PRKN: variants seen among roughly 807,000 people sequenced by gnomAD.
PRKN encodes E3 ubiquitin-protein ligase parkin.
Under a neutral mutation model 59.5 loss-of-function variants are expected in PRKN, and 56 were observed. The observed-to-expected ratio is 0.94, with a 90% CI of 0.76 to 1.18. The LOEUF is 1.18. Among genes scored for constraint, PRKN ranks in the 50% most tolerant of loss-of-function variants. PRKN has a pLI of 0.00. For synonymous variants in PRKN, 250 were observed against 222.1 expected (o/e 1.13, Z -1.12); for missense variants, 657 against 596.4 (o/e 1.10, Z -1.06).
At position 161,926,104 on chromosome 6, in the gene PRKN, T is replaced by G. The variant is rs79750448; in HGVS notation, c.734+47198A>C. ...AGGAACTTTTCAAAACGAACTGTTC[T>G]GTTTGAAAGTTACGGAGAGTCTACC... On this transcript the variant is annotated intron_variant, in intron 6 of 11. Coordinates refer to ENST00000366898, the MANE Select transcript of PRKN (RefSeq NM_004562.3). Among the ~76,000 whole-genome samples the G allele has an allele frequency of 7.5e-3, 1,141 of 152,282 alleles. 19 individuals carry two copies. The highest frequency in any genetic ancestry group is 0.026 in the African/African-American group (1,093 of 41,550).
At chr6:162,669,345 T>A (rs1179597260) in intron 1 of PRKN, among the ~76,000 whole-genome samples, 1 of 152,186 alleles carries the variant, frequency 6.6e-6, no homozygotes, top group Non-Finnish European at 1.5e-5. Context: ...AAGTGTTGTA[T>A]CTTCTTGAGT....
Position 161,655,893 on chromosome 6 carries a change from C to T in PRKN, c.872-86477G>A, listed in dbSNP as rs572611301. ...ACACACACACACACACATACACACA[C>T]ACACACACACACACACACACACACG... On this transcript the variant is annotated intron_variant, in intron 7 of 11. Coordinates refer to ENST00000366898, the MANE Select transcript of PRKN (RefSeq NM_004562.3). Among the ~76,000 whole-genome samples, 332 of 65,716 alleles carry T rather than the reference C, an allele frequency of 5.1e-3. 1 individual carries two copies. Among genetic ancestry groups the T allele is most frequent in the African/African-American group, 0.018 (303 of 16,816 alleles). The allele number at this position is 65,716 out of a possible 152,430, so 43.1% of individuals were successfully genotyped here. A position where few individuals can be genotyped will look rare whatever the true frequency, so the allele number is the denominator to read the frequency against.
chr6:161,460,684 C>T lies in PRKN; in HGVS notation c.1084-73807G>A, dbSNP rs967747694. On this transcript the variant is annotated intron_variant, in intron 9 of 11. Transcript: ENST00000366898. The surrounding 1 kb of genome is among the most constrained non-coding windows in gnomAD (Gnocchi z 5.0). Reference sequence around the variant, plus strand: ...CCAGGGATGTCCACAGCTGTGGCTTCTCCCAGGTATTTATAGTTCATTTAC... The same window carrying T: ...CCAGGGATGTCCACAGCTGTGGCTTTTCCCAGGTATTTATAGTTCATTTAC... 9.2e-5 allele frequency among the ~76,000 whole-genome samples: 14 copies of T among 152,072 alleles called. No individual in the cohort carries two copies. The highest frequency in any genetic ancestry group is 3.4e-4 in the African/African-American group (14 of 41,412).
At chr6:161,974,191 G>A (rs1026072110) in intron 5 of PRKN, among the ~76,000 whole-genome samples, 2 of 151,778 alleles carry the variant, frequency 1.3e-5, no homozygotes, top group Non-Finnish European at 2.9e-5. Flanking sequence ...GCTTGAGCCC[G>A]GCTGAGGCAG....
intron 1 of PRKN, among the ~76,000 whole-genome samples, chr6:162,572,514 G>A (rs1780379312): frequency 6.6e-6 from 1 of 152,156 alleles, no homozygotes; most frequent in Non-Finnish European, 1.5e-5. Context: ...CTATCCTGAT[G>A]GGCCAGGTGT....
intron 1 of PRKN, among the ~76,000 whole-genome samples, chr6:162,660,699 C>T (rs376125614): frequency 1.6e-3 from 242 of 152,188 alleles, no homozygotes; most frequent in Non-Finnish European, 2.2e-3. Flanking sequence ...CCTCAAGATT[C>T]GGTACCTAAG....
At position 161,459,037 on chromosome 6, in the gene PRKN, T is replaced by C. The variant is rs561233815; in HGVS notation, c.1084-72160A>G. Among the ~76,000 whole-genome samples the C allele has an allele frequency of 6.6e-6, 1 of 152,322 alleles. No homozygotes were observed. The highest frequency in any genetic ancestry group is 6.5e-5 in the Admixed American group (1 of 15,304). ...TCCAGGAGGGATTTTAAGGCAAGGC[T>C]GAGCTTTCTAAAGCTACAAGCACTT... On this transcript the variant is annotated intron_variant, in intron 9 of 11. Transcript: ENST00000366898. This position sits in a 1 kb window ranked among gnomAD's most constrained non-coding sequence, Gnocchi z 4.8.
In PRKN at chr6:161,446,443, C is replaced by T. The variant is rs189996849; in HGVS notation, c.1084-59566G>A. On this transcript the variant is annotated intron_variant, in intron 9 of 11. Coordinates refer to ENST00000366898, the MANE Select transcript of PRKN (RefSeq NM_004562.3). The surrounding 1 kb of genome is among the most constrained non-coding windows in gnomAD (Gnocchi z 6.2). Reference sequence around the variant, plus strand: ...CAGCTGTGGGAGGGGAAAGGCCCTCCCCGCTACCAGATGCAGACTCTGGTG... The same window carrying T: ...CAGCTGTGGGAGGGGAAAGGCCCTCTCCGCTACCAGATGCAGACTCTGGTG... 6.6e-6 allele frequency among the ~76,000 whole-genome samples: 1 copy of T among 152,202 alleles called. No individual in the cohort carries two copies. The highest frequency in any genetic ancestry group is 6.5e-5 in the Admixed American group (1 of 15,288).
intron 9 of PRKN, among the ~76,000 whole-genome samples, chr6:161,532,178 A>C (rs112306506): frequency 0.092 from 12,981 of 141,352 alleles, 714 homozygotes; most frequent in Non-Finnish European, 0.13. Context: ...ATATATATAT[A>C]TATATATATA....
At chr6:162,108,535 C>G (rs9355384) in intron 4 of PRKN, among the ~76,000 whole-genome samples, 90,578 of 152,030 alleles carry the variant, frequency 0.6, 27,535 homozygotes, top group East Asian at 0.73. Flanking sequence ...AGCAGGAACT[C>G]AAATCGCAGA....
intron 6 of PRKN, among the ~76,000 whole-genome samples, chr6:161,834,421 G>A (rs1015804530): frequency 6.6e-6 from 1 of 152,060 alleles, no homozygotes; most frequent in Non-Finnish European, 1.5e-5. Context: ...CACAGCCCTG[G>A]TCTCCACAGT....
At chr6:162,248,556 A>C (rs1779295168) in intron 3 of PRKN, among the ~76,000 whole-genome samples, 1 of 152,104 alleles carries the variant, frequency 6.6e-6, no homozygotes, top group Admixed American at 6.6e-5. Flanking sequence ...TGAACTACTG[A>C]TACTTCAAAG....
At chr6:161,803,489 G>A (rs1428983509) in intron 6 of PRKN, among the ~76,000 whole-genome samples, 1 of 152,200 alleles carries the variant, frequency 6.6e-6, no homozygotes, top group African/African-American at 2.4e-5. Flanking sequence ...GAGAAGAACT[G>A]TCCTTGGGTA....
chr6:162,254,455 C>CAA (rs148927604), intron 3 of PRKN, among the ~76,000 whole-genome samples: 24 of 94,228 alleles, frequency 2.5e-4, no homozygotes, highest in Middle Eastern at 5.2e-3. Context: ...GACTCCATCT[C>CAA]AAAAAAAAAA....
intron 7 of PRKN, among the ~76,000 whole-genome samples, chr6:161,571,492 G>A (rs1051583315): frequency 1.3e-5 from 2 of 152,194 alleles, no homozygotes; most frequent in Admixed American, 1.3e-4. Context: ...TATTCACACA[G>A]GTGAAGGTGC....
chr6:161,433,499 G>T (rs918007684), intron 9 of PRKN, among the ~76,000 whole-genome samples: 80 of 152,112 alleles, frequency 5.3e-4, no homozygotes, highest in African/African-American at 1.6e-3. Context: ...TTTCATTACA[G>T]AAATATATAC....
chr6:162,024,924 CT>C (rs1345720128), intron 5 of PRKN, among the ~76,000 whole-genome samples: 2 of 147,604 alleles, frequency 1.4e-5, no homozygotes, highest in African/African-American at 2.6e-5. Flanking sequence ...CCAAATAAGT[CT>C]TTTTTTATAT....
rs1786485331 is a variant in PRKN, at chr6:161,391,105, C to G, written c.1084-4228G>C. On this transcript the variant is annotated intron_variant, in intron 9 of 11. Transcript: ENST00000366898. The surrounding 1 kb of genome is among the most constrained non-coding windows in gnomAD (Gnocchi z 4.9). ...GGCATAGCTGTTTCTAGAGAAAAAG[C>G]TTGCCGGGGAAGAAAGCAGACCTAG... 6.6e-6 allele frequency among the ~76,000 whole-genome samples: 1 copy of G among 152,130 alleles called. No individual in the cohort carries two copies. The highest frequency in any genetic ancestry group is 2.1e-4 in the South Asian group (1 of 4,830).
Position 161,549,337 on chromosome 6 carries a change from AT to A in PRKN, c.934-335del, listed in dbSNP as rs1272818669. ...AACTGTATTTTAACAATCTTATTTC[AT>A]ATACATTTTGAGGAACATATTTATG... On this transcript the variant is annotated intron_variant, in intron 8 of 11. Transcript: ENST00000366898. This position sits in a 1 kb window ranked among gnomAD's most constrained non-coding sequence, Gnocchi z 6.0. 6.6e-6 allele frequency among the ~76,000 whole-genome samples: 1 copy of A among 152,210 alleles called. No individual in the cohort carries two copies. The highest frequency in any genetic ancestry group is 1.5e-5 in the Non-Finnish European group (1 of 68,038).
Sources: allele counts gnomAD v4.1 joint callset (sites outside exome capture counted in the v4.1 genomes callset), GRCh38; gene constraint gnomAD v4.1.1; non-coding constraint Gnocchi (gnomAD v3.1); transcripts MANE v1.5; gene names NCBI Gene and HGNC (gene_info 2026-07-23, HGNC 2026-07-21).